DAB1: variants seen among roughly 807,000 people sequenced by gnomAD.
DAB1 encodes disabled homolog 1.
In DAB1, 15 loss-of-function variants were observed where a neutral mutation model predicts 64.6. That is an observed-to-expected ratio of 0.23 (90% CI 0.16 to 0.36). DAB1 has a LOEUF of 0.36. Ranked by LOEUF, DAB1 falls within the 10% of genes least tolerant of loss-of-function variation. DAB1 has a pLI of 1.00. For synonymous variants in DAB1, 235 were observed against 251.9 expected (o/e 0.93, Z 0.64); for missense variants, 596 against 706.7 (o/e 0.84, Z 1.78).
intron 4 of DAB1, among the ~76,000 whole-genome samples, chr1:58,165,182 C>T (rs567438416): frequency 1.3e-5 from 2 of 152,244 alleles, no homozygotes; most frequent in Non-Finnish European, 2.9e-5. Context: ...GTTGCTTTTT[C>T]TTGAAGTAAA....
intron 3 of DAB1, among the ~76,000 whole-genome samples, chr1:58,504,236 C>A (rs1645951657): frequency 2.0e-5 from 3 of 152,190 alleles, no homozygotes; most frequent in Admixed American, 1.3e-4. Flanking sequence ...GTCTGGTCCC[C>A]TTTCACCTCA....
intron 4 of DAB1, among the ~76,000 whole-genome samples, chr1:57,102,220 GTC>G (rs953890271): frequency 6.6e-6 from 1 of 151,358 alleles, no homozygotes; most frequent in East Asian, 1.9e-4. Context: ...CTCTGTCTCA[GTC>G]TCTCTCTCTT....
At chr1:57,135,585 T>C (rs531786806) in intron 4 of DAB1, among the ~76,000 whole-genome samples, 1 of 152,244 alleles carries the variant, frequency 6.6e-6, no homozygotes, top group Non-Finnish European at 1.5e-5. Flanking sequence ...ATATCCATTC[T>C]ATTACTAGTT....
intron 1 of DAB1, among the ~76,000 whole-genome samples, chr1:57,322,865 T>A (rs1025505116): frequency 6.6e-6 from 1 of 152,148 alleles, no homozygotes; most frequent in Non-Finnish European, 1.5e-5. Context: ...ATTGGCTACA[T>A]CCCAACCAAG....
At position 57,142,704 on chromosome 1, in the gene DAB1, G is replaced by A. The variant is rs556787857; in HGVS notation, c.207+2586C>T. ...GCTAGCTTGGGCCAATGTTAATCCT[G>A]AGCGAGAATGTTCAGGGAGCAGAGG... On this transcript the variant is annotated intron_variant, in intron 3 of 14. Coordinates refer to ENST00000371236, the MANE Select transcript of DAB1 (RefSeq NM_001365792.1). Among the ~76,000 whole-genome samples the A allele has an allele frequency of 2.6e-5, 4 of 152,018 alleles. No homozygotes were observed. The East Asian group carries it at 7.8e-4, about 30-fold the overall frequency.
chr1:57,640,708 C>T (rs921690500), intron 7 of DAB1, among the ~76,000 whole-genome samples: 1 of 152,162 alleles, frequency 6.6e-6, no homozygotes, highest in Admixed American at 6.5e-5. Flanking sequence ...AGAAGAATGG[C>T]TACATTTTAT....
chr1:57,604,315 C>A (rs1645609433), intron 7 of DAB1, among the ~76,000 whole-genome samples: 1 of 152,002 alleles, frequency 6.6e-6, no homozygotes, highest in Admixed American at 6.6e-5. Context: ...GTGTTTACTC[C>A]ATGAGATTAT....
intron 6 of DAB1, among the ~76,000 whole-genome samples, chr1:57,796,471 G>A (rs768939336): frequency 2.0e-5 from 3 of 151,902 alleles, no homozygotes; most frequent in Non-Finnish European, 2.9e-5. Context: ...AGCTTCCAGC[G>A]AGCTGAGATC....
chr1:57,382,153 T>A (rs1681435721), intron 1 of DAB1, among the ~76,000 whole-genome samples: 1 of 152,126 alleles, frequency 6.6e-6, no homozygotes, highest in South Asian at 2.1e-4. Context: ...ACCAGTGAGA[T>A]TTACCGTGTG....
chr1:58,540,517 G>A (rs1050542455), intron 1 of DAB1, among the ~76,000 whole-genome samples: 8 of 151,384 alleles, frequency 5.3e-5, no homozygotes, highest in African/African-American at 1.2e-4. Context: ...AGGAAAATAT[G>A]AGCATGTTAT....
In DAB1 at chr1:57,972,020, G is replaced by A. The variant is rs956569932; in HGVS notation, n.388-87858C>T. On this transcript the variant is annotated intron_variant and non_coding_transcript_variant, in intron 5 of 20. Coordinates refer to the DAB1 transcript ENST00000485760. ...ATATGCACACAAAACATTTCCTATC[G>A]CCTGAAAAAGCAATGCTATGTACAT... Among the ~76,000 whole-genome samples the A allele has an allele frequency of 1.3e-4, 19 of 151,972 alleles. 1 individual carries two copies. Among genetic ancestry groups the A allele is most frequent in the Admixed American group, 1.0e-3 (16 of 15,256 alleles).
intron 7 of DAB1, among the ~76,000 whole-genome samples, chr1:57,483,392 G>C (rs543539736): frequency 6.6e-6 from 1 of 152,156 alleles, no homozygotes; most frequent in South Asian, 2.1e-4. Context: ...TTTATAAGGG[G>C]AAACCCCTTT....
chr1:57,259,421 G>T (rs1670010545), intron 2 of DAB1, among the ~76,000 whole-genome samples: 1 of 152,172 alleles, frequency 6.6e-6, no homozygotes, highest in Non-Finnish European at 1.5e-5. Flanking sequence ...CAGGGCATAG[G>T]ATTCTAGTAT....
intron 6 of DAB1, among the ~76,000 whole-genome samples, chr1:57,755,023 A>T (rs1420027572): frequency 6.6e-6 from 1 of 152,230 alleles, no homozygotes; most frequent in Non-Finnish European, 1.5e-5. Context: ...AATCCAAGCA[A>T]GTAAAAAGGT....
At chr1:57,992,616 A>C (rs1646362344) in intron 5 of DAB1, among the ~76,000 whole-genome samples, 1 of 152,170 alleles carries the variant, frequency 6.6e-6, no homozygotes, top group South Asian at 2.1e-4. Context: ...GCGTTTTCAG[A>C]GTGAGGACAG....
intron 5 of DAB1, among the ~76,000 whole-genome samples, chr1:58,108,662 T>C (rs1651803377): frequency 6.6e-6 from 1 of 152,216 alleles, no homozygotes; most frequent in Non-Finnish European, 1.5e-5. Flanking sequence ...TTATTGCCAC[T>C]GCTATGAGCT....
At chr1:57,924,502 C>T (rs1311445902) in intron 5 of DAB1, among the ~76,000 whole-genome samples, 1 of 152,024 alleles carries the variant, frequency 6.6e-6, no homozygotes, top group African/African-American at 2.4e-5. Flanking sequence ...CTTTGTTGCC[C>T]AGGCTGGAGT....
intron 5 of DAB1, among the ~76,000 whole-genome samples, chr1:57,071,946 T>G (rs981921527): frequency 6.6e-5 from 10 of 152,072 alleles, no homozygotes; most frequent in African/African-American, 9.7e-5. Flanking sequence ...GCTATTTGTT[T>G]TCTCTTATTT....
At chr1:58,130,596 C>T (rs1251782645) in intron 5 of DAB1, among the ~76,000 whole-genome samples, 8 of 151,966 alleles carry the variant, frequency 5.3e-5, no homozygotes, top group African/African-American at 1.2e-4. Flanking sequence ...CGGCTGGTAC[C>T]GGTTGTTCCT....
Sources: allele counts gnomAD v4.1 joint callset (sites outside exome capture counted in the v4.1 genomes callset), GRCh38; gene constraint gnomAD v4.1.1; transcripts MANE v1.5; gene names NCBI Gene and HGNC (gene_info 2026-07-23, HGNC 2026-07-21).